The following SMC3 variants were observed in gnomAD, a reference collection of about 807,000 sequenced individuals.
The protein encoded by SMC3 is structural maintenance of chromosomes 3, also known as structural maintenance of chromosomes protein 3.
SMC3 carries 20 observed loss-of-function variants against 171.8 expected under a neutral mutation model. The ratio of observed to expected loss-of-function variants is 0.12; its 90% CI spans 0.08 to 0.17. The LOEUF (loss-of-function observed/expected upper bound fraction) is 0.17, where lower values mean the gene tolerates loss of function less well. Among genes scored for constraint, SMC3 ranks in the 10% least tolerant of loss-of-function variants. The probability of loss-of-function intolerance (pLI) is 1.00; values close to 1 mark genes in which losing one functional copy is unlikely to be tolerated. For missense variants in SMC3, 543 were observed against 1,420.4 expected (o/e 0.38, Z 9.93); for synonymous variants, 464 against 451.1 (o/e 1.03, Z -0.36).
intron 20 of SMC3, among the ~76,000 whole-genome samples, chr10:110,599,237 G>A (rs11195212): frequency 0.12 from 17,727 of 152,088 alleles, 1,213 homozygotes; most frequent in East Asian, 0.26. Flanking sequence ...AGCTGGGATT[G>A]CAGGCGTGTG....
Position 110,605,130 on chromosome 10 carries a change from T to C in SMC3, c.*828T>C, listed in dbSNP as rs548642231. Among the ~76,000 whole-genome samples, 53 of 152,348 alleles carry C rather than the reference T, an allele frequency of 3.5e-4. 1 individual carries two copies. In the South Asian group the frequency reaches 9.5e-3, roughly 27 times the overall value. ...AGCGAAGTATTCTCATTACCTCATA[T>C]AATAGTACATATTATTAACATGTTT... is the stretch of plus-strand genomic sequence containing the variant. On this transcript the variant is annotated 3_prime_UTR_variant, in exon 29 of 29. Coordinates refer to ENST00000361804, the MANE Select transcript of SMC3 (RefSeq NM_005445.4).
chr10:110,585,883 C>T (rs1343533451), intron 13 of SMC3, among the ~76,000 whole-genome samples: 7 of 151,890 alleles, frequency 4.6e-5, no homozygotes, highest in Admixed American at 6.6e-5. Flanking sequence ...CTGCACCCTC[C>T]GCTTCCCGGG....
intron 13 of SMC3, among the ~76,000 whole-genome samples, chr10:110,588,170 T>C (rs1861153180): frequency 1.3e-5 from 2 of 152,262 alleles, no homozygotes; most frequent in Middle Eastern, 6.8e-3. Context: ...TTTTGTATTT[T>C]CAGTAGAGAC....
At chr10:110,596,285 A>C (rs1379716310) in intron 18 of SMC3, 113 bp from the exon 19 acceptor site, 2 of 991,788 alleles carry the variant, frequency 2.0e-6, no homozygotes, top group Non-Finnish European at 2.9e-6. Flanking sequence ...GGTTTAAATT[A>C]CTTTCAATTC....
At position 110,583,777 on chromosome 10, in the gene SMC3, A is replaced by G. The variant is rs1009049638; in HGVS notation, c.970-64A>G. The G allele has an allele frequency of 2.6e-5, 41 of 1,570,482 alleles. No homozygotes were observed. In the African/African-American group the frequency reaches 3.7e-4, roughly 14 times the overall value. Reference sequence around the variant, plus strand: ...CATGAAGTTTTTTTCCTGAGAAAACATTTATGCTAGACCTAAATTATGCAA... The same window carrying G: ...CATGAAGTTTTTTTCCTGAGAAAACGTTTATGCTAGACCTAAATTATGCAA... On this transcript the variant is annotated intron_variant, in intron 11 of 28. Coordinates refer to ENST00000361804, the MANE Select transcript of SMC3 (RefSeq NM_005445.4).
Position 110,602,564 on chromosome 10 carries a change from C to G in SMC3, c.3196C>G (p.Gln1066Glu). The change falls in exon 26 of 29, where the codon CAG (glutamine) becomes GAG (glutamate). Residue 1066 changes from glutamine to glutamate, a missense_variant. Gln to Glu is a conservative substitution (Grantham distance 29, BLOSUM62 2). Transcript: ENST00000361804. ...VMKKGDVEGS[Q>E]SQDEGEGSGE... ...GAAGAAAGGAGATGTGGAGGGCAGT[C>G]AGTCTCAAGATGAAGGAGAAGGGAG... is the stretch of plus-strand genomic sequence containing the variant. The G allele has an allele frequency of 5.0e-6, 8 of 1,613,370 alleles. No homozygotes were observed. The highest frequency in any genetic ancestry group is 6.8e-6 in the Non-Finnish European group (8 of 1,179,386).
chr10:110,582,903 A>G (rs1476095966), intron 10 of SMC3, among the ~76,000 whole-genome samples: 4 of 148,902 alleles, frequency 2.7e-5, no homozygotes, highest in Admixed American at 2.7e-4. Flanking sequence ...CCTGGGCTCA[A>G]GTGGTCCTTC....
In SMC3 at chr10:110,575,456, A is replaced by C. The variant is rs1860933464; in HGVS notation, c.198+53A>C. ...TGATATTACATATATTTTAAAAATA[A>C]ATTTTCCATGCTGGTTAAAAAAGCA... On this transcript the variant is annotated intron_variant, in intron 4 of 28. Transcript: ENST00000361804. 5 of 1,281,634 alleles carry C rather than the reference A, an allele frequency of 3.9e-6. No homozygotes were observed. In the Admixed American group the frequency reaches 5.2e-5, roughly 13 times the overall value. 79.4% of individuals were successfully genotyped at this position (1,281,634 alleles called of 1,614,324 possible). A position where few individuals can be genotyped will look rare whatever the true frequency, so the allele number is the denominator to read the frequency against.
chr10:110,577,365 T>C (rs1362872477), intron 4 of SMC3, 56 bp from the exon 5 acceptor site: 2 of 1,316,320 alleles, frequency 1.5e-6, no homozygotes, highest in African/African-American at 1.4e-5. Context: ...AAGAATCCTT[T>C]AAAGGATATG....
chr10:110,568,230 T>A (rs1860809737), intron 1 of SMC3: 1 of 266,834 alleles, frequency 3.7e-6, no homozygotes, highest in African/African-American at 2.3e-5. Flanking sequence ...ACGGCCCATG[T>A]GCCTGGGATG....
rs1478081133 is a variant in SMC3 at position 110,567,707 on chromosome 10, G to A, written c.-110G>A. 7.4e-7 allele frequency: 1 copy of A among 1,353,676 alleles called. No homozygotes were observed. The highest frequency in any genetic ancestry group is 1.0e-6 in the Non-Finnish European group (1 of 953,768). The allele number at this position is 1,353,676 out of a possible 1,614,324, so 83.9% of individuals were successfully genotyped here. A position where few individuals can be genotyped will look rare whatever the true frequency, so the allele number is the denominator to read the frequency against. ...GCGCCGCCATTTTGTTTGGCTGAGG[G>A]GAGCGAGCGGCGCTTTGGGGGAGGG... On this transcript the variant is annotated 5_prime_UTR_variant, in exon 1 of 29. Coordinates refer to ENST00000361804, the MANE Select transcript of SMC3 (RefSeq NM_005445.4).
chr10:110,603,299 A>G lies in SMC3; in HGVS notation c.3582+9A>G. 2 of 1,482,802 alleles carry G rather than the reference A, an allele frequency of 1.3e-6. No homozygotes were observed. The highest frequency in any genetic ancestry group is 2.3e-5 in the South Asian group (2 of 87,570). 91.9% of individuals were successfully genotyped at this position (1,482,802 alleles called of 1,614,324 possible). ...TAAAGTTCAGAAATAAGGTAATTTT[A>G]TTTTACATTGAGTTTAAGTTTGTAT... On this transcript the variant is annotated intron_variant, in intron 28 of 28. Coordinates refer to ENST00000361804, the MANE Select transcript of SMC3 (RefSeq NM_005445.4).
intron 13 of SMC3, among the ~76,000 whole-genome samples, chr10:110,585,491 A>G (rs1256884525): frequency 6.7e-6 from 1 of 149,326 alleles, no homozygotes; most frequent in African/African-American, 2.5e-5. Context: ...GGGTTTCACC[A>G]TCTTGGCCAG....
chr10:110,605,324 G>GATTTTTTTTGTAGATT lies in SMC3; in HGVS notation c.*1022_*1023insATTTTTTTTGTAGATT, dbSNP rs1861452053. ...GAAAACTACCTCAATAGTCCTCGTA[G>GATTTTTTTTGTAGATT]CTTTTTGTAGATTCTTTGAGATTTT... On this transcript the variant is annotated 3_prime_UTR_variant, in exon 29 of 29. Coordinates refer to ENST00000361804, the MANE Select transcript of SMC3 (RefSeq NM_005445.4). 2.0e-5 allele frequency among the ~76,000 whole-genome samples: 3 copies of GATTTTTTTTGTAGATT among 152,090 alleles called. No homozygotes were observed. The highest frequency in any genetic ancestry group is 4.4e-5 in the Non-Finnish European group (3 of 67,996).
rs59010687 is a variant in SMC3 at position 110,582,931 on chromosome 10, G to GTTT, written c.804+303_804+305dup. On this transcript the variant is annotated intron_variant, in intron 10 of 28. Transcript: ENST00000361804. ...GGTCCTTCTGCCTCAGCCTCCTGAA[G>GTTT]TTTTTTTTTTTTTTTTGGAAGACAG... Among the ~76,000 whole-genome samples, 28,856 of 135,878 alleles carry GTTT rather than the reference G, an allele frequency of 0.21. 3,599 individuals are homozygous for GTTT. Among genetic ancestry groups the GTTT allele is most frequent in the African/African-American group, 0.35 (12,533 of 35,946 alleles). 89.1% of individuals were successfully genotyped at this position (135,878 alleles called of 152,430 possible). A position where few individuals can be genotyped will look rare whatever the true frequency, so the allele number is the denominator to read the frequency against.
rs770843121 is a variant in SMC3 at position 110,590,542 on chromosome 10, A to G, written c.1640A>G (p.Tyr547Cys). ...AACTTTGAATGTGAACCAGCTTTCT[A>G]CACATGCGTGGAAGTCACTGCTGGA... ...MNNFECEPAF[Y>C]TCVEVTAGNR... The change falls in exon 16 of 29, where the codon TAC (tyrosine) becomes TGC (cysteine). Residue 547 changes from tyrosine (Y) to cysteine (C), a missense_variant. Physicochemically the swap from Tyr to Cys is radical, Grantham distance 194 (BLOSUM62 -2). This residue lies in a region of SMC3 where 218 missense variants were observed against 509.6 expected (regional missense o/e 0.43). Coordinates refer to ENST00000361804, the MANE Select transcript of SMC3 (RefSeq NM_005445.4). 1 of 1,614,158 alleles carries G rather than the reference A, an allele frequency of 6.2e-7. No homozygotes were observed. Among genetic ancestry groups the G allele is most frequent in the East Asian group, 2.2e-5 (1 of 44,864 alleles).
intron 3 of SMC3, among the ~76,000 whole-genome samples, chr10:110,574,663 A>C (rs1056522635): frequency 2.6e-5 from 4 of 151,780 alleles, no homozygotes; most frequent in African/African-American, 9.7e-5. Flanking sequence ...TTATGCACGT[A>C]CTTGCTGATG....
At chr10:110,601,253 A>G (rs1861382704) in intron 23 of SMC3, 123 bp downstream of exon 23, 12 of 747,248 alleles carry the variant, frequency 1.6e-5, no homozygotes, top group East Asian at 5.0e-5. Context: ...ATTATAAACA[A>G]TGTATAGCAA....
At position 110,604,536 on chromosome 10, in the gene SMC3, T is replaced by A; in HGVS notation, c.*234T>A. ...TTTTGTAAAATGTTCTGCTCCTATT[T>A]TAAATGTTTTGAAACATGCTAAATA... On this transcript the variant is annotated 3_prime_UTR_variant, in exon 29 of 29. Transcript: ENST00000361804. 2 of 461,312 alleles carry A rather than the reference T, an allele frequency of 4.3e-6. No homozygotes were observed. Among genetic ancestry groups the A allele is most frequent in the Non-Finnish European group, 7.8e-6 (2 of 256,872 alleles). The allele number at this position is 461,312 out of a possible 1,614,324, so 28.6% of individuals were successfully genotyped here.
Sources: allele counts gnomAD v4.1 joint callset (sites outside exome capture counted in the v4.1 genomes callset), GRCh38; gene constraint gnomAD v4.1.1; regional missense constraint gnomAD v4.1.1; transcripts MANE v1.5; gene names NCBI Gene and HGNC (gene_info 2026-07-23, HGNC 2026-07-21).